The following SLC1A3 variants were observed in gnomAD, a reference collection of about 807,000 sequenced individuals.
SLC1A3 encodes excitatory amino acid transporter 1.
A neutral mutation model predicts 48.1 loss-of-function variants in SLC1A3; 21 were observed. The observed-to-expected ratio is 0.44, with a 90% CI of 0.31 to 0.63. SLC1A3 has a LOEUF of 0.63. SLC1A3 is among the 20% of genes least tolerant of loss of function. SLC1A3 has a pLI of 0.08. For synonymous variants in SLC1A3, 239 were observed against 251.4 expected (o/e 0.95, Z 0.47); for missense variants, 546 against 689.0 (o/e 0.79, Z 2.32).
intron 3 of SLC1A3, among the ~76,000 whole-genome samples, chr5:36,633,003 A>G (rs1740197284): frequency 6.6e-6 from 1 of 152,208 alleles, no homozygotes; most frequent in Non-Finnish European, 1.5e-5. Flanking sequence ...GGACAAGAAG[A>G]CTATGTCTGT....
intron 2 of SLC1A3, among the ~76,000 whole-genome samples, chr5:36,618,599 T>C (rs1739540577): frequency 6.6e-6 from 1 of 152,048 alleles, no homozygotes; most frequent in Non-Finnish European, 1.5e-5. Context: ...AGAGCAAACT[T>C]TACTCTTCAT....
chr5:36,645,577 G>A (rs190119138), intron 3 of SLC1A3, among the ~76,000 whole-genome samples: 76 of 151,766 alleles, frequency 5.0e-4, no homozygotes, highest in African/African-American at 1.6e-3. Flanking sequence ...CCCCCACCTC[G>A]GCCTCCCAAA....
At chr5:36,605,007 G>C (rs572617056), upstream of SLC1A3, among the ~76,000 whole-genome samples, 72 of 151,996 alleles carry the variant, frequency 4.7e-4, no homozygotes, top group African/African-American at 1.6e-3. Flanking sequence ...TTGAGAAATG[G>C]CTCCATGCAC....
At chr5:36,615,019 C>A (rs1739373369) in intron 2 of SLC1A3, among the ~76,000 whole-genome samples, 1 of 152,156 alleles carries the variant, frequency 6.6e-6, no homozygotes, top group African/African-American at 2.4e-5. Flanking sequence ...GAACAATTAA[C>A]CTTCAGTAAT....
intron 5 of SLC1A3, 68 bp from the exon 6 acceptor site, chr5:36,676,824 A>G: frequency 8.1e-7 from 1 of 1,229,120 alleles, no homozygotes. Flanking sequence ...AGAAAATTTG[A>G]CAATAGGAAA....
intron 3 of SLC1A3, among the ~76,000 whole-genome samples, chr5:36,661,971 C>T (rs1741530912): frequency 6.6e-6 from 1 of 152,210 alleles, no homozygotes; most frequent in Non-Finnish European, 1.5e-5. Context: ...GCGGGAAGGT[C>T]TTTTCGCTAA....
intron 5 of SLC1A3, among the ~76,000 whole-genome samples, chr5:36,674,379 A>T (rs1580032204): frequency 6.6e-6 from 1 of 151,988 alleles, no homozygotes; most frequent in South Asian, 2.1e-4. Flanking sequence ...CTATCACCCA[A>T]CTCCCCACTG....
intron 2 of SLC1A3, among the ~76,000 whole-genome samples, chr5:36,611,687 C>A (rs1013895972): frequency 6.6e-6 from 1 of 152,110 alleles, no homozygotes; most frequent in African/African-American, 2.4e-5. Context: ...AATGGTCTGC[C>A]AGGGCTGTTG....
At chr5:36,599,824 T>C (rs1057327632) in intron 1 of SLC1A3, among the ~76,000 whole-genome samples, 2 of 151,932 alleles carry the variant, frequency 1.3e-5, no homozygotes, top group Non-Finnish European at 2.9e-5. Context: ...GATTTATTTA[T>C]TTATTTATTT....
chr5:36,657,423 G>C (rs559423169), intron 3 of SLC1A3, among the ~76,000 whole-genome samples: 1 of 152,278 alleles, frequency 6.6e-6, no homozygotes, highest in South Asian at 2.1e-4. Flanking sequence ...GAATCTGGCT[G>C]AATATCTAGA....
chr5:36,672,024 C>T (rs1404454952), intron 4 of SLC1A3, among the ~76,000 whole-genome samples: 3 of 152,180 alleles, frequency 2.0e-5, no homozygotes, highest in African/African-American at 7.2e-5. Flanking sequence ...AAGGTGCGGG[C>T]AGCCTTAAAG....
At chr5:36,662,100 C>A (rs1006936194) in intron 3 of SLC1A3, among the ~76,000 whole-genome samples, 4 of 152,146 alleles carry the variant, frequency 2.6e-5, no homozygotes, top group African/African-American at 9.7e-5. Context: ...GGGCTCTGGC[C>A]CTCAAAGAAC....
At chr5:36,650,491 G>C (rs1052537700) in intron 3 of SLC1A3, among the ~76,000 whole-genome samples, 1 of 152,152 alleles carries the variant, frequency 6.6e-6, no homozygotes, top group Non-Finnish European at 1.5e-5. Flanking sequence ...TAAGTTTGAA[G>C]GCTAGCTCTC....
chr5:36,668,183 A>G (rs1288258392), intron 3 of SLC1A3: 3 of 152,200 alleles, frequency 2.0e-5, no homozygotes, highest in African/African-American at 7.2e-5. Context: ...CTTGCTCCAG[A>G]CACTCTGACA....
intron 7 of SLC1A3, 97 bp downstream of exon 7, chr5:36,679,957 A>C: frequency 3.6e-6 from 3 of 823,664 alleles, no homozygotes; most frequent in Non-Finnish European, 6.2e-6. Context: ...CTGAGTTTTA[A>C]ACTTCCAAGA....
intron 3 of SLC1A3, among the ~76,000 whole-genome samples, chr5:36,638,625 G>A (rs921584635): frequency 2.6e-5 from 4 of 152,164 alleles, no homozygotes; most frequent in African/African-American, 9.7e-5. Flanking sequence ...GGCATCTGGA[G>A]CAAAGTTCAT....
In SLC1A3 at chr5:36,687,507, T is replaced by C. The variant is rs1742700750; in HGVS notation, c.*1238T>C. On this transcript the variant is annotated 3_prime_UTR_variant, in exon 10 of 10. Transcript: ENST00000265113. The stretch of plus-strand genomic sequence containing the variant: ...CTGCTTACCAAAACATAAGACGACT[T>C]ATATATTTGAAAGAAGTCAAATGAA... The C allele has an allele frequency of 6.6e-6, 1 of 152,234 alleles. No individual in the cohort carries two copies. The allele number at this position is 152,234 out of a possible 1,614,324, so 9.4% of individuals were successfully genotyped here.
intron 1 of SLC1A3, among the ~76,000 whole-genome samples, chr5:36,597,005 TG>T (rs1300200551): frequency 6.6e-6 from 1 of 152,108 alleles, no homozygotes; most frequent in African/African-American, 2.4e-5. Context: ...TTTGGATGTT[TG>T]GGTTTTTTGG....
chr5:36,613,801 G>T (rs953878433), intron 2 of SLC1A3, among the ~76,000 whole-genome samples: 2 of 152,104 alleles, frequency 1.3e-5, no homozygotes, highest in South Asian at 2.1e-4. Flanking sequence ...CTATGGATTT[G>T]CAGAGTTTTT....
Sources: gnomAD v4.1 joint callset for allele counts (sites outside exome capture counted in the v4.1 genomes callset) on GRCh38, gnomAD v4.1.1 for gene constraint, MANE v1.5 for transcripts, NCBI Gene and HGNC (gene_info 2026-07-23, HGNC 2026-07-21) for gene names.